WWOX: variants seen among roughly 807,000 people sequenced by gnomAD.
The protein encoded by WWOX is WW domain containing oxidoreductase, also known as WW domain-containing oxidoreductase.
A neutral mutation model predicts 46.2 loss-of-function variants in WWOX; 69 were observed. That is an observed-to-expected ratio of 1.49 (90% CI 1.23 to 1.82). WWOX has a LOEUF of 1.82. Among genes scored for constraint, WWOX ranks in the 40% most tolerant of loss-of-function variants. The probability of loss-of-function intolerance (pLI) is 0.00; values close to 1 mark genes in which losing one functional copy is unlikely to be tolerated. For synonymous variants in WWOX, 359 were observed against 202.6 expected (o/e 1.77, Z -6.56); for missense variants, 919 against 542.6 (o/e 1.69, Z -6.89).
chr16:78,239,547 T>C (rs911305774), intron 5 of WWOX, among the ~76,000 whole-genome samples: 6 of 152,242 alleles, frequency 3.9e-5, no homozygotes, highest in Non-Finnish European at 7.4e-5. Flanking sequence ...CTTTTTTTCT[T>C]TTTTTGAGAC....
At chr16:78,794,533 A>C (rs971845345) in intron 8 of WWOX, among the ~76,000 whole-genome samples, 1 of 152,222 alleles carries the variant, frequency 6.6e-6, no homozygotes, top group Non-Finnish European at 1.5e-5. Context: ...TCATCCAAAA[A>C]AATGGGTGAA....
intron 5 of WWOX, among the ~76,000 whole-genome samples, chr16:78,375,547 A>G (rs1457282511): frequency 6.6e-6 from 1 of 152,222 alleles, no homozygotes; most frequent in Non-Finnish European, 1.5e-5. Flanking sequence ...TTAATTTACG[A>G]TAAATGTCAG....
rs1422908105 is a variant in WWOX at position 78,642,383 on chromosome 16, C to T, written c.1056+209631C>T. Among the ~76,000 whole-genome samples, 11 of 152,230 alleles carry T rather than the reference C, an allele frequency of 7.2e-5. No individual in the cohort carries two copies. In the South Asian group the frequency reaches 1.9e-3, roughly 26 times the overall value. On this transcript the variant is annotated intron_variant, in intron 8 of 8. Coordinates refer to ENST00000566780, the MANE Select transcript of WWOX (RefSeq NM_016373.4). ...GTTCTGTCCCTTTATGCTGACTTTC[C>T]TTTTTTGCTCAAAGTCTCTCTCCTT...
At chr16:78,601,140 G>A (rs1263180282) in intron 8 of WWOX, among the ~76,000 whole-genome samples, 1 of 152,168 alleles carries the variant, frequency 6.6e-6, no homozygotes, top group Non-Finnish European at 1.5e-5. Context: ...CAGCAGGGAT[G>A]GAGAGGCAAA....
At chr16:78,743,756 C>G (rs1454224527) in intron 8 of WWOX, among the ~76,000 whole-genome samples, 1 of 152,134 alleles carries the variant, frequency 6.6e-6, no homozygotes, top group East Asian at 1.9e-4. Flanking sequence ...TTTTCACAAC[C>G]TATCAGACAT....
At chr16:79,191,772 C>A (rs1282733221) in intron 8 of WWOX, among the ~76,000 whole-genome samples, 1 of 152,168 alleles carries the variant, frequency 6.6e-6, no homozygotes, top group East Asian at 1.9e-4. Context: ...GGAGATGTGA[C>A]TGGAAAATCC....
At chr16:78,115,294 C>T in intron 4 of WWOX, 140 bp downstream of exon 4, 3 of 1,028,300 alleles carry the variant, frequency 2.9e-6, no homozygotes, top group Non-Finnish European at 2.9e-6. Context: ...TCATTAACAT[C>T]ACTACCTCTT....
At chr16:79,211,495 G>C (rs1290564128) in intron 8 of WWOX, 113 bp from the exon 9 acceptor site, 2 of 1,378,684 alleles carry the variant, frequency 1.5e-6, no homozygotes, top group Admixed American at 1.9e-5. Flanking sequence ...CCAAGATCCA[G>C]CTGAAACTGA....
intron 8 of WWOX, among the ~76,000 whole-genome samples, chr16:79,155,232 TG>T (rs1326987244): frequency 6.6e-6 from 1 of 152,008 alleles, no homozygotes; most frequent in African/African-American, 2.4e-5. Context: ...AAAAATTAGC[TG>T]GGCATGGTGG....
rs188744083 is a variant in WWOX, at chr16:78,557,895, C to G, written c.1056+125143C>G. On this transcript the variant is annotated intron_variant, in intron 8 of 8. Coordinates refer to ENST00000566780, the MANE Select transcript of WWOX (RefSeq NM_016373.4). Reference sequence around the variant, plus strand: ...ATTTTTTAGTAGAAACAGTGTTTCACCAGGTTGGCCAGGCTGCTCTCGAAC... The same window carrying G: ...ATTTTTTAGTAGAAACAGTGTTTCAGCAGGTTGGCCAGGCTGCTCTCGAAC... 1.4e-3 allele frequency among the ~76,000 whole-genome samples: 211 copies of G among 152,064 alleles called. 1 individual carries two copies. The highest frequency in any genetic ancestry group is 2.4e-3 in the Non-Finnish European group (162 of 68,002).
intron 8 of WWOX, among the ~76,000 whole-genome samples, chr16:78,495,264 C>T (rs2084887767): frequency 1.3e-5 from 2 of 151,266 alleles, no homozygotes; most frequent in African/African-American, 4.9e-5. Flanking sequence ...CCTCAGCCTT[C>T]TGAGTAGCTG....
chr16:78,540,951 G>A (rs1045143392), intron 8 of WWOX, among the ~76,000 whole-genome samples: 1 of 152,092 alleles, frequency 6.6e-6, no homozygotes, highest in Non-Finnish European at 1.5e-5. Flanking sequence ...CTCCCGAAGC[G>A]CTGGGACCAA....
intron 8 of WWOX, among the ~76,000 whole-genome samples, chr16:78,787,084 GTTGCAGTGAGCCAAGA>G (rs1033325507): frequency 1.3e-5 from 2 of 152,132 alleles, no homozygotes; most frequent in African/African-American, 4.8e-5. Flanking sequence ...GGAGGCGGAG[GTTGCAGTGAGCCAAGA>G]TTGCACCACT....
chr16:79,009,714 G>T (rs1401744718), intron 8 of WWOX, among the ~76,000 whole-genome samples: 5 of 152,292 alleles, frequency 3.3e-5, no homozygotes, highest in African/African-American at 1.2e-4. Context: ...GCTTCCCAAA[G>T]TGCTGGGATT....
chr16:78,137,657 C>T (rs184285197), intron 4 of WWOX, among the ~76,000 whole-genome samples: 6 of 152,200 alleles, frequency 3.9e-5, no homozygotes, highest in Admixed American at 2.6e-4. Context: ...AAAGGGTTTG[C>T]TTGGGTTTTA....
At chr16:79,023,573 A>T (rs553257337) in intron 8 of WWOX, among the ~76,000 whole-genome samples, 1 of 152,068 alleles carries the variant, frequency 6.6e-6, no homozygotes, top group South Asian at 2.1e-4. Context: ...ACAGGCAAAC[A>T]TGTGTGTGTT....
At chr16:78,100,829 T>C (rs78599408) in intron 1 of WWOX, among the ~76,000 whole-genome samples, 6,980 of 152,224 alleles carry the variant, frequency 0.046, 543 homozygotes, top group African/African-American at 0.16. Context: ...TATCGGCACC[T>C]TAGAATCACC....
intron 8 of WWOX, among the ~76,000 whole-genome samples, chr16:79,198,488 C>T (rs1404534241): frequency 1.3e-5 from 2 of 152,210 alleles, no homozygotes; most frequent in Admixed American, 6.5e-5. Context: ...AAAGCCCTGG[C>T]CTCCACTGCA....
chr16:79,015,449 T>A (rs1419535259), intron 8 of WWOX, among the ~76,000 whole-genome samples: 1 of 152,182 alleles, frequency 6.6e-6, no homozygotes, highest in Non-Finnish European at 1.5e-5. Context: ...GATTTAAGAG[T>A]TAACCTGAGT....
Sources: allele counts gnomAD v4.1 joint callset (sites outside exome capture counted in the v4.1 genomes callset), GRCh38; gene constraint gnomAD v4.1.1; transcripts MANE v1.5; gene names NCBI Gene and HGNC (gene_info 2026-07-23, HGNC 2026-07-21).